Variants in ABCB11 observed in about 807,000 individuals in gnomAD.
The protein encoded by ABCB11 is bile salt export pump.
Under a neutral mutation model 148.0 loss-of-function variants are expected in ABCB11, and 95 were observed. That is an observed-to-expected ratio of 0.64 (90% CI 0.54 to 0.76). The LOEUF (loss-of-function observed/expected upper bound fraction) is 0.76. ABCB11 is among the 30% of genes least tolerant of loss of function. The probability of loss-of-function intolerance (pLI) is 0.00; values close to 1 mark genes in which losing one functional copy is unlikely to be tolerated. For missense variants in ABCB11, 1,523 were observed against 1,617.8 expected (o/e 0.94, Z 1.01); for synonymous variants, 591 against 555.4 (o/e 1.06, Z -0.90).
chr2:169,016,979 TACACACACACACACACAC>T (rs71397686), intron 2 of ABCB11, among the ~76,000 whole-genome samples, 180 bp from the exon 3 acceptor site: 8 of 138,100 alleles, frequency 5.8e-5, no homozygotes, highest in African/African-American at 1.1e-4. Flanking sequence ...TCTATCTTTC[TACACACACACACACACAC>T]ACACACACAC....
intron 3 of ABCB11, among the ~76,000 whole-genome samples, chr2:169,014,641 A>C (rs978702662): frequency 1.3e-5 from 2 of 152,196 alleles, no homozygotes; most frequent in African/African-American, 4.8e-5. Flanking sequence ...CAGTTATACC[A>C]ACAAATAACT....
intron 1 of ABCB11, among the ~76,000 whole-genome samples, chr2:169,024,523 T>TATTAATGTCTTACATTATTAGC (rs1337643359): frequency 5.1e-4 from 77 of 152,218 alleles, no homozygotes; most frequent in Non-Finnish European, 9.1e-4. Flanking sequence ...ACATTATTAG[T>TATTAATGTCTTACATTATTAGC]ATTAATGTCT....
At position 168,979,860 on chromosome 2, in the gene ABCB11, A is replaced by G; in HGVS notation, c.1197+6T>C. On this transcript the variant is annotated splice_donor_region_variant and intron_variant, in intron 11 of 27. Transcript: ENST00000650372. ...TTAATGGCCTTTACTTTTGGCTTAT[A>G]CATACCCTGTCTATTGTCTCAAAAA... 3 of 1,591,550 alleles carry G rather than the reference A, an allele frequency of 1.9e-6. No homozygotes were observed. The highest frequency in any genetic ancestry group is 2.6e-6 in the Non-Finnish European group (3 of 1,163,264).
chr2:169,000,767 A>G (rs1250226469), intron 5 of ABCB11, among the ~76,000 whole-genome samples: 1 of 151,860 alleles, frequency 6.6e-6, no homozygotes, highest in Non-Finnish European at 1.5e-5. Context: ...GTTTTTTTAC[A>G]TTTTCATAAA....
In ABCB11 at chr2:168,935,275, G is replaced by C; in HGVS notation, c.2965C>G (p.Gln989Glu). Reference sequence around the variant, plus strand: ...GAATTCGCAATAAACATGATGCACTGGGCAAAGGCAAAGCAGAATCCGTAA... The same window carrying C: ...GAATTCGCAATAAACATGATGCACTCGGCAAAGGCAAAGCAGAATCCGTAA... ...NIYGFCFAFA[Q>E]CIMFIANSAS... The change falls in exon 23 of 28, where the codon CAG (glutamine) becomes GAG (glutamate). Residue 989 changes from glutamine to glutamate, a missense_variant. Gln to Glu is a conservative substitution (Grantham distance 29, BLOSUM62 2). Coordinates refer to ENST00000650372, the MANE Select transcript of ABCB11 (RefSeq NM_003742.4). The C allele has an allele frequency of 6.2e-7, 1 of 1,613,976 alleles. No homozygotes were observed. Among genetic ancestry groups the C allele is most frequent in the Non-Finnish European group, 8.5e-7 (1 of 1,179,884 alleles).
chr2:168,999,523 G>C (rs1324961440), intron 5 of ABCB11, among the ~76,000 whole-genome samples: 1 of 151,918 alleles, frequency 6.6e-6, no homozygotes, highest in African/African-American at 2.4e-5. Context: ...GCTACAACCA[G>C]TCTGTTTTCT....
At chr2:169,024,547 A>ATGTCTTACATTAGTATTAG (rs1378607975) in intron 1 of ABCB11, among the ~76,000 whole-genome samples, 2 of 70,314 alleles carry the variant, frequency 2.8e-5, no homozygotes, top group Non-Finnish European at 7.5e-5. Context: ...ATTAGTATTA[A>ATGTCTTACATTAGTATTAG]CGTACCAATG....
downstream of ABCB11, among the ~76,000 whole-genome samples, chr2:168,918,275 G>A (rs972610529): frequency 6.6e-6 from 1 of 152,116 alleles, no homozygotes; most frequent in Non-Finnish European, 1.5e-5. Flanking sequence ...AAAGCACTGG[G>A]GACATTAAGA....
chr2:168,989,642 G>T (rs1031998480), intron 9 of ABCB11, among the ~76,000 whole-genome samples: 40 of 151,972 alleles, frequency 2.6e-4, no homozygotes, highest in Non-Finnish European at 2.4e-4. Context: ...AAGGTCTTTT[G>T]TGGTTGCTAA....
At chr2:168,947,174 C>G (rs965238650) in intron 19 of ABCB11, among the ~76,000 whole-genome samples, 1 of 151,616 alleles carries the variant, frequency 6.6e-6, no homozygotes, top group Non-Finnish European at 1.5e-5. Flanking sequence ...CGTAGATTAA[C>G]CTGCTGTAAC....
intron 5 of ABCB11, among the ~76,000 whole-genome samples, chr2:169,002,249 T>C (rs1694898601): frequency 6.6e-6 from 1 of 151,826 alleles, no homozygotes; most frequent in African/African-American, 2.4e-5. Flanking sequence ...AAAAAGAGCC[T>C]CCAAAACACA....
At chr2:168,941,930 G>A (rs1333698937) in intron 21 of ABCB11, among the ~76,000 whole-genome samples, 2 of 151,924 alleles carry the variant, frequency 1.3e-5, no homozygotes, top group East Asian at 1.9e-4. Flanking sequence ...ACTAGGAAGT[G>A]AAAAAATTAG....
intron 1 of ABCB11, among the ~76,000 whole-genome samples, chr2:169,021,532 A>G (rs1237496386): frequency 6.6e-6 from 1 of 152,184 alleles, no homozygotes; most frequent in Non-Finnish European, 1.5e-5. Context: ...ACTGTAATGA[A>G]AAATTTAAAC....
chr2:168,928,197 A>G (rs1402388975), intron 25 of ABCB11, among the ~76,000 whole-genome samples: 1 of 152,220 alleles, frequency 6.6e-6, no homozygotes, highest in African/African-American at 2.4e-5. Context: ...GCATTTCTCA[A>G]TAACAATTAG....
At chr2:168,930,621 T>C (rs369186879) in intron 25 of ABCB11, 44 bp downstream of exon 25, 15 of 1,415,150 alleles carry the variant, frequency 1.1e-5, no homozygotes, top group African/African-American at 4.3e-5. Flanking sequence ...GGGTTGGAAA[T>C]ACTCTGCAGA....
chr2:168,928,734 T>C (rs1387529528), intron 25 of ABCB11, among the ~76,000 whole-genome samples: 1 of 152,208 alleles, frequency 6.6e-6, no homozygotes, highest in African/African-American at 2.4e-5. Context: ...GCTGCAGGCA[T>C]GCCAGAAGTG....
In ABCB11 at chr2:168,944,613, C is replaced by T; in HGVS notation, c.2602G>A (p.Val868Ile). ...CCCCTCCCATAGCTCACCCCTTGAACTTGGGAAGCATCTGTAGCAAGTCTT... is the reference window on the plus strand; with the variant it reads ...CCCCTCCCATAGCTCACCCCTTGAATTTGGGAAGCATCTGTAGCAAGTCTT... ...TTRLATDASQ[V>I]QGAAGSQIGM... The change falls in exon 21 of 28, where the codon GTT becomes ATT. Residue 868 changes from valine to isoleucine, a missense_variant. By Grantham distance (29) the Val-to-Ile change is conservative. Coordinates refer to ENST00000650372, the MANE Select transcript of ABCB11 (RefSeq NM_003742.4). The T allele has an allele frequency of 6.2e-7, 1 of 1,604,130 alleles. No individual in the cohort carries two copies. Among genetic ancestry groups the T allele is most frequent in the Non-Finnish European group, 8.5e-7 (1 of 1,174,414 alleles).
intron 17 of ABCB11, among the ~76,000 whole-genome samples, chr2:168,965,452 G>A (rs1425842041): frequency 6.6e-6 from 1 of 151,922 alleles, no homozygotes; most frequent in South Asian, 2.1e-4. Flanking sequence ...TAGTAGAGCT[G>A]AGAAAGGAAG....
rs956560491 is a variant in ABCB11 at position 168,975,764 on chromosome 2, A to C, written c.1308+813T>G. Among the ~76,000 whole-genome samples the C allele has an allele frequency of 8.9e-5, 13 of 146,366 alleles. 2 individuals are homozygous for C. The highest frequency in any genetic ancestry group is 3.0e-4 in the African/African-American group (12 of 40,128). On this transcript the variant is annotated intron_variant, in intron 12 of 27. Coordinates refer to ENST00000650372, the MANE Select transcript of ABCB11 (RefSeq NM_003742.4). ...AGAGAATGATATATATATCATATAT[A>C]TATCACAGATATATGATATATATAT...
Sources: gnomAD v4.1 joint callset for allele counts (sites outside exome capture counted in the v4.1 genomes callset) on GRCh38, gnomAD v4.1.1 for gene constraint, MANE v1.5 for transcripts, NCBI Gene and HGNC (gene_info 2026-07-23, HGNC 2026-07-21) for gene names.